The following ADCY8 variants were observed in gnomAD, a reference collection of about 807,000 sequenced individuals.
ADCY8 encodes the protein adenylate cyclase type 8.
Under a neutral mutation model 119.7 loss-of-function variants are expected in ADCY8, and 51 were observed. That is an observed-to-expected ratio of 0.43 (90% CI 0.34 to 0.54). ADCY8 has a LOEUF of 0.54. Among genes scored for constraint, ADCY8 ranks in the 20% least tolerant of loss-of-function variants. The probability of loss-of-function intolerance (pLI) is 0.03; values close to 1 mark genes in which losing one functional copy is unlikely to be tolerated. For missense variants in ADCY8, 1,383 were observed against 1,598.8 expected (o/e 0.87, Z 2.30); for synonymous variants, 665 against 651.0 (o/e 1.02, Z -0.33).
intron 14 of ADCY8, among the ~76,000 whole-genome samples, chr8:130,801,553 A>G (rs896327410): frequency 4.3e-4 from 65 of 152,162 alleles, no homozygotes; most frequent in African/African-American, 1.5e-3. Flanking sequence ...ATCTTCTAAG[A>G]GTCTCTTCTA....
intron 9 of ADCY8, among the ~76,000 whole-genome samples, chr8:130,855,144 A>G (rs1331778317): frequency 6.1e-5 from 9 of 147,220 alleles, no homozygotes; most frequent in Admixed American, 5.4e-4. Flanking sequence ...GAGTCCATTA[A>G]TTTTTGCTTT....
At chr8:130,934,989 G>A (rs761879075) in intron 5 of ADCY8, among the ~76,000 whole-genome samples, 5 of 152,144 alleles carry the variant, frequency 3.3e-5, no homozygotes, top group Non-Finnish European at 7.4e-5. Context: ...CTCTGAAATT[G>A]TTACTCAAAA....
intron 2 of ADCY8, among the ~76,000 whole-genome samples, chr8:130,980,573 C>CA (rs1822210462): frequency 6.6e-6 from 1 of 151,994 alleles, no homozygotes; most frequent in Non-Finnish European, 1.5e-5. Context: ...ATGGAGAGGA[C>CA]GGGTAGTGTG....
At chr8:130,932,342 C>T (rs888364279) in intron 5 of ADCY8, among the ~76,000 whole-genome samples, 1 of 152,162 alleles carries the variant, frequency 6.6e-6, no homozygotes, top group African/African-American at 2.4e-5. Context: ...CTGTGTGGTC[C>T]TATCTGCCAT....
chr8:130,972,607 C>A (rs1821956119), intron 2 of ADCY8, among the ~76,000 whole-genome samples: 1 of 152,110 alleles, frequency 6.6e-6, no homozygotes, highest in Non-Finnish European at 1.5e-5. Context: ...TCAAGGCAAC[C>A]AAAGTAGGGT....
At chr8:131,018,331 T>A (rs983742861) in intron 1 of ADCY8, among the ~76,000 whole-genome samples, 4 of 152,204 alleles carry the variant, frequency 2.6e-5, no homozygotes, top group African/African-American at 9.7e-5. Context: ...GGTTTGGAAA[T>A]ATCAGTTTAA....
At chr8:130,946,919 T>C (rs931639544) in intron 3 of ADCY8, among the ~76,000 whole-genome samples, 1 of 152,170 alleles carries the variant, frequency 6.6e-6, no homozygotes, top group East Asian at 1.9e-4. Flanking sequence ...GTTTAAGTCA[T>C]AGTTGTACAA....
chr8:130,966,331 G>A (rs748651446), intron 2 of ADCY8, among the ~76,000 whole-genome samples: 1 of 152,106 alleles, frequency 6.6e-6, no homozygotes, highest in Non-Finnish European at 1.5e-5. Context: ...AACTCTGCAT[G>A]GGTCAAACAA....
At chr8:130,980,564 TGGAGAG>T (rs1822209384) in intron 2 of ADCY8, among the ~76,000 whole-genome samples, 1 of 152,030 alleles carries the variant, frequency 6.6e-6, no homozygotes, top group Non-Finnish European at 1.5e-5. Context: ...TCAGGGAAAA[TGGAGAG>T]GACGGGTAGT....
rs1563743871 is a variant in ADCY8 at position 130,955,364 on chromosome 8, G to GTTATA, written c.1111-3367_1111-3366insTATAA. On this transcript the variant is annotated intron_variant, in intron 2 of 17. Transcript: ENST00000286355. ...TCTCAAGGTTATACAGCAAAGAAGG[G>GTTATA]CCAGTATCTAGTCTATCAGACCCCA... is the stretch of plus-strand genomic sequence containing the variant. Among the ~76,000 whole-genome samples the GTTATA allele has an allele frequency of 1.1e-4, 17 of 152,208 alleles. No homozygotes were observed. The East Asian group carries it at 2.9e-3, about 26-fold the overall frequency.
intron 8 of ADCY8, among the ~76,000 whole-genome samples, chr8:130,879,944 G>A (rs1818707525): frequency 2.0e-5 from 3 of 152,152 alleles, no homozygotes; most frequent in Admixed American, 2.0e-4. Context: ...GTGGGGCGAT[G>A]ACTGAATCAT....
At position 130,821,405 on chromosome 8, in the gene ADCY8, G is replaced by A. The variant is rs1816503393; in HGVS notation, c.2691C>T (p.Thr897=). ...LNHSGEDFLG[T]KEVSLLLMAM... ...CCATCAGTAGCAGTGATACCTCCTT[G>A]GTCCCCAGGAAATCTCTGTTGGAAG... The change falls in exon 13 of 18, where the codon ACC becomes ACT. Residue 897 remains threonine (T), a synonymous_variant. Coordinates refer to ENST00000286355, the MANE Select transcript of ADCY8 (RefSeq NM_001115.3). 1 of 1,613,002 alleles carries A rather than the reference G, an allele frequency of 6.2e-7. No individual in the cohort carries two copies. The highest frequency in any genetic ancestry group is 1.3e-5 in the African/African-American group (1 of 74,864).
intron 1 of ADCY8, among the ~76,000 whole-genome samples, chr8:131,036,055 A>G (rs1410189767): frequency 6.6e-6 from 1 of 152,204 alleles, no homozygotes; most frequent in Admixed American, 6.5e-5. Context: ...TCAAATGCTT[A>G]CATGTTTAGA....
chr8:130,849,555 C>T, intron 10 of ADCY8, 47 bp downstream of exon 10: 1 of 1,598,096 alleles, frequency 6.3e-7, no homozygotes, highest in Non-Finnish European at 8.6e-7. Context: ...ACTTCATGCT[C>T]AACTGCACAC....
intron 3 of ADCY8, among the ~76,000 whole-genome samples, chr8:130,951,634 G>A (rs1821274554): frequency 6.6e-6 from 1 of 152,302 alleles, no homozygotes. Flanking sequence ...GCCTACTGTA[G>A]GAGAGCTAGG....
At chr8:130,904,118 A>C (rs1029785732) in intron 6 of ADCY8, 76 bp from the exon 7 acceptor site, 10 of 1,401,506 alleles carry the variant, frequency 7.1e-6, no homozygotes, top group Non-Finnish European at 8.7e-6. Flanking sequence ...ACCTGTACAA[A>C]ACCAACACCA....
chr8:131,034,480 T>G (rs1824089858), intron 1 of ADCY8, among the ~76,000 whole-genome samples: 1 of 152,094 alleles, frequency 6.6e-6, no homozygotes, highest in African/African-American at 2.4e-5. Flanking sequence ...CCTAAAGGAT[T>G]TCTTAAAGGC....
chr8:130,909,893 A>T (rs1489882915), intron 5 of ADCY8, 27 bp from the exon 6 acceptor site: 1 of 1,612,046 alleles, frequency 6.2e-7, no homozygotes, highest in Non-Finnish European at 8.5e-7. Context: ...ATGGAGAGAC[A>T]CATGTATAAG....
chr8:130,803,276 G>A (rs1463660291), intron 14 of ADCY8, among the ~76,000 whole-genome samples: 1 of 152,138 alleles, frequency 6.6e-6, no homozygotes, highest in African/African-American at 2.4e-5. Flanking sequence ...TAGAGACCAC[G>A]ACTTCCACAA....
Sources: allele counts gnomAD v4.1 joint callset (sites outside exome capture counted in the v4.1 genomes callset), GRCh38; gene constraint gnomAD v4.1.1; transcripts MANE v1.5; gene names NCBI Gene and HGNC (gene_info 2026-07-23, HGNC 2026-07-21).